Variants in LRP1B observed in about 807,000 individuals in gnomAD.
LRP1B encodes the protein low-density lipoprotein receptor-related protein 1B.
A neutral mutation model predicts 556.6 loss-of-function variants in LRP1B; 217 were observed. That is an observed-to-expected ratio of 0.39 (90% CI 0.35 to 0.44). The LOEUF (loss-of-function observed/expected upper bound fraction) is 0.44. LRP1B is among the 20% of genes least tolerant of loss of function. LRP1B has a pLI of 1.00. For missense variants in LRP1B, 5,053 were observed against 5,620.8 expected, an observed-to-expected ratio of 0.90 and a Z score of 3.23; for synonymous variants, 2,047 against 1,865.8, an observed-to-expected ratio of 1.10 and a Z score of -2.50.
At position 141,849,213 on chromosome 2, in the gene LRP1B, A is replaced by G. The variant is rs541993782; in HGVS notation, c.83-38812T>C. Among the ~76,000 whole-genome samples, 12 of 151,768 alleles carry G rather than the reference A, an allele frequency of 7.9e-5. 1 individual carries two copies. The highest frequency in any genetic ancestry group is 2.6e-4 in the African/African-American group (11 of 41,512). On this transcript the variant is annotated intron_variant, in intron 1 of 90. Coordinates refer to ENST00000389484, the MANE Select transcript of LRP1B (RefSeq NM_018557.3). Reference sequence around the variant, plus strand: ...ACTAAATTTTCTCATTAATTCCAAAAGTTTTTAAGCAGATTCTCTTGGGTT... The same window carrying G: ...ACTAAATTTTCTCATTAATTCCAAAGGTTTTTAAGCAGATTCTCTTGGGTT...
At chr2:141,487,178 T>C (rs865882763) in intron 2 of LRP1B, among the ~76,000 whole-genome samples, 19 of 152,206 alleles carry the variant, frequency 1.2e-4, no homozygotes, top group Admixed American at 3.9e-4. Flanking sequence ...TCATTTCTTT[T>C]CCTGCAACTT....
intron 1 of LRP1B, among the ~76,000 whole-genome samples, chr2:142,047,478 T>C (rs1393936800): frequency 1.3e-5 from 2 of 152,034 alleles, no homozygotes; most frequent in African/African-American, 2.4e-5. Context: ...TGTGTTTAAC[T>C]TGTATCAATT....
intron 1 of LRP1B, among the ~76,000 whole-genome samples, chr2:141,839,622 C>T (rs1697398163): frequency 6.6e-6 from 1 of 152,094 alleles, no homozygotes; most frequent in Non-Finnish European, 1.5e-5. Flanking sequence ...CTTTTCTTGA[C>T]TATACTGAGA....
chr2:141,203,583 G>T (rs567793310), intron 6 of LRP1B, among the ~76,000 whole-genome samples: 18 of 8,344 alleles, frequency 2.2e-3, no homozygotes, highest in Non-Finnish European at 0.01. Flanking sequence ...CACAATAATG[G>T]GGGGGGAGGA....
chr2:141,556,222 G>T (rs1039397395), intron 2 of LRP1B, among the ~76,000 whole-genome samples: 1 of 151,848 alleles, frequency 6.6e-6, no homozygotes, highest in African/African-American at 2.4e-5. Flanking sequence ...ACAATTAGCT[G>T]TACTTCCTTG....
chr2:140,731,437 A>T (rs919698621), intron 35 of LRP1B, among the ~76,000 whole-genome samples: 6 of 152,186 alleles, frequency 3.9e-5, no homozygotes, highest in African/African-American at 1.4e-4. Context: ...AAGAAGAGTA[A>T]AAGAAGAGTA....
At chr2:141,411,870 CAG>C (rs762560859) in intron 3 of LRP1B, among the ~76,000 whole-genome samples, 4 of 151,918 alleles carry the variant, frequency 2.6e-5, no homozygotes, top group Non-Finnish European at 4.4e-5. Context: ...AAAGTATAAA[CAG>C]AATGTGTGAT....
intron 59 of LRP1B, among the ~76,000 whole-genome samples, chr2:140,482,251 T>C (rs2105357607): frequency 6.6e-6 from 1 of 152,270 alleles, no homozygotes; most frequent in South Asian, 2.1e-4. Context: ...ATTCCAGAAA[T>C]ATGAGTTGAA....
intron 2 of LRP1B, among the ~76,000 whole-genome samples, chr2:141,730,748 T>G (rs1693239154): frequency 6.6e-6 from 1 of 152,180 alleles, no homozygotes; most frequent in South Asian, 2.1e-4. Context: ...CAGAAGGTTA[T>G]CCTCAGAAAT....
At chr2:140,994,808 A>C (rs1314213354) in intron 15 of LRP1B, among the ~76,000 whole-genome samples, 2 of 152,098 alleles carry the variant, frequency 1.3e-5, no homozygotes, top group African/African-American at 4.8e-5. Context: ...TACTATAATC[A>C]AACATACACA....
At chr2:140,785,777 T>G (rs1689876645) in intron 32 of LRP1B, among the ~76,000 whole-genome samples, 1 of 152,238 alleles carries the variant, frequency 6.6e-6, no homozygotes, top group Non-Finnish European at 1.5e-5. Context: ...AAATAAAATT[T>G]AATTTATTTT....
chr2:141,134,598 C>T (rs887061560), intron 7 of LRP1B, among the ~76,000 whole-genome samples: 2 of 151,542 alleles, frequency 1.3e-5, no homozygotes, highest in African/African-American at 2.4e-5. Context: ...CCAAGCCCAG[C>T]CTGAATTCAT....
chr2:140,714,363 G>A (rs1406294001), intron 37 of LRP1B, among the ~76,000 whole-genome samples: 1 of 152,096 alleles, frequency 6.6e-6, no homozygotes, highest in Non-Finnish European at 1.5e-5. Context: ...AATCAAGCTA[G>A]AGACAAGTAG....
intron 59 of LRP1B, among the ~76,000 whole-genome samples, chr2:140,479,342 G>T (rs1441116438): frequency 6.6e-6 from 1 of 151,484 alleles, no homozygotes; most frequent in Non-Finnish European, 1.5e-5. Context: ...AGCTAAAAAT[G>T]ACAACTGCCG....
At chr2:141,153,407 T>C (rs1387390513) in intron 7 of LRP1B, among the ~76,000 whole-genome samples, 1 of 123,292 alleles carries the variant, frequency 8.1e-6, no homozygotes, top group Non-Finnish European at 1.6e-5. Flanking sequence ...ATATATATTA[T>C]ATATTAGCTA....
intron 1 of LRP1B, among the ~76,000 whole-genome samples, chr2:141,892,505 A>C (rs1006419499): frequency 1.3e-5 from 2 of 151,926 alleles, no homozygotes; most frequent in African/African-American, 4.8e-5. Flanking sequence ...AATGCATTGA[A>C]GCTTCTATGT....
At position 140,640,022 on chromosome 2, in the gene LRP1B, A is replaced by G. The variant is rs1684219818; in HGVS notation, c.6800-38383T>C. Among the ~76,000 whole-genome samples, 4 of 152,110 alleles carry G rather than the reference A, an allele frequency of 2.6e-5. No homozygotes were observed. In the South Asian group the frequency reaches 8.3e-4, roughly 31 times the overall value. On this transcript the variant is annotated intron_variant, in intron 41 of 90. Coordinates refer to ENST00000389484, the MANE Select transcript of LRP1B (RefSeq NM_018557.3). The stretch of plus-strand genomic sequence containing the variant: ...TTTTGTTTGTTTGTTTGTTTTTTTA[A>G]GACAGAGTCTTGCTCTGTCGCCCAG...
At chr2:141,931,848 C>T (rs1477379352) in intron 1 of LRP1B, among the ~76,000 whole-genome samples, 2 of 151,994 alleles carry the variant, frequency 1.3e-5, no homozygotes, top group African/African-American at 4.8e-5. Flanking sequence ...GGAAACGGCA[C>T]AGAGTATGTG....
intron 1 of LRP1B, among the ~76,000 whole-genome samples, chr2:141,941,942 A>G (rs1700819686): frequency 6.6e-6 from 1 of 152,208 alleles, no homozygotes. Context: ...AAATGTAAAT[A>G]TATTTCTGGA....
Sources: allele counts gnomAD v4.1 joint callset (sites outside exome capture counted in the v4.1 genomes callset), GRCh38; gene constraint gnomAD v4.1.1; transcripts MANE v1.5; gene names NCBI Gene and HGNC (gene_info 2026-07-23, HGNC 2026-07-21).